The following CSMD1 variants were observed in gnomAD, a reference collection of about 807,000 sequenced individuals.
The protein encoded by CSMD1 is CUB and sushi domain-containing protein 1.
A neutral mutation model predicts 417.5 loss-of-function variants in CSMD1; 213 were observed. The ratio of observed to expected loss-of-function variants is 0.51; its 90% CI spans 0.46 to 0.57. The LOEUF is 0.57. Among genes scored for constraint, CSMD1 ranks in the 20% least tolerant of loss-of-function variants. CSMD1 has a pLI of 0.00. For synonymous variants in CSMD1, 2,862 were observed against 1,736.8 expected, an observed-to-expected ratio of 1.65 and a Z score of -16.11; for missense variants, 6,923 against 4,529.7, an observed-to-expected ratio of 1.53 and a Z score of -15.17.
intron 25 of CSMD1, among the ~76,000 whole-genome samples, chr8:3,305,912 C>CCTGGTGATTTGCCTGCCTTG (rs1395669371): frequency 2.0e-5 from 3 of 152,108 alleles, no homozygotes; most frequent in African/African-American, 7.2e-5. Flanking sequence ...GATCTCCTCA[C>CCTGGTGATTTGCCTGCCTTG]CTGGTGATTT....
At chr8:4,123,172 TA>T (rs1251924418) in intron 3 of CSMD1, among the ~76,000 whole-genome samples, 11 of 152,262 alleles carry the variant, frequency 7.2e-5, no homozygotes, top group African/African-American at 2.7e-4. Context: ...AGATGTTTTT[TA>T]TAACTCGGCT....
intron 3 of CSMD1, among the ~76,000 whole-genome samples, chr8:4,381,768 T>G (rs999123357): frequency 3.9e-5 from 6 of 152,098 alleles, no homozygotes; most frequent in African/African-American, 1.4e-4. Context: ...TTTGTTTTTG[T>G]TTTTTTCCTT....
intron 10 of CSMD1, among the ~76,000 whole-genome samples, chr8:3,573,223 G>A (rs529922475): frequency 2.0e-5 from 3 of 152,100 alleles, no homozygotes; most frequent in African/African-American, 7.2e-5. Context: ...ATTCTCTAAG[G>A]TAAATGCTAT....
Position 3,493,689 on chromosome 8 carries a change from C to T in CSMD1, c.1382G>A (p.Arg461Gln), listed in dbSNP as rs577074857. 165 of 1,612,050 alleles carry T rather than the reference C, an allele frequency of 1.0e-4. No homozygotes were observed. Among genetic ancestry groups the T allele is most frequent in the Non-Finnish European group, 1.1e-4 (135 of 1,179,176 alleles). ...ACCAACCGTCAGGGTGTCATAGCCTCGCTCCAGCTCAAACTCTTCAAAGGC... is the reference window on the plus strand; with the variant it reads ...ACCAACCGTCAGGGTGTCATAGCCTTGCTCCAGCTCAAACTCTTCAAAGGC... Reference protein sequence around the residue: ...KLAFEEFELERGYDTLTVGDA... With the variant: ...KLAFEEFELEQGYDTLTVGDA... The change falls in exon 11 of 70, where the codon CGA becomes CAA. Residue 461 changes from arginine (R) to glutamine (Q), a missense_variant. By Grantham distance (43) the Arg-to-Gln change is conservative (BLOSUM62 1). Transcript: ENST00000635120.
intron 4 of CSMD1, among the ~76,000 whole-genome samples, chr8:4,025,831 C>G (rs547709930): frequency 2.0e-5 from 3 of 152,064 alleles, no homozygotes; most frequent in Non-Finnish European, 4.4e-5. Flanking sequence ...TAATTATTTT[C>G]TATTAATTAA....
At chr8:3,128,661 G>A in intron 41 of CSMD1, 1 of 320,486 alleles carries the variant, frequency 3.1e-6, no homozygotes, top group South Asian at 2.6e-5. Flanking sequence ...CTAATTAAGT[G>A]TCACCTCTGT....
chr8:3,133,495 T>A (rs1255714792), intron 41 of CSMD1, among the ~76,000 whole-genome samples: 2 of 152,064 alleles, frequency 1.3e-5, no homozygotes, highest in Non-Finnish European at 2.9e-5. Context: ...CAGAAGGCAA[T>A]CCTGTTACTG....
At chr8:4,873,688 G>C (rs777632229) in intron 1 of CSMD1, among the ~76,000 whole-genome samples, 1 of 152,042 alleles carries the variant, frequency 6.6e-6, no homozygotes, top group Non-Finnish European at 1.5e-5. Context: ...TGATGATACA[G>C]TAGAGAACTA....
At chr8:3,228,926 G>A (rs1457589620) in intron 27 of CSMD1, among the ~76,000 whole-genome samples, 2 of 152,052 alleles carry the variant, frequency 1.3e-5, no homozygotes, top group African/African-American at 2.4e-5. Context: ...TAAAACGCGT[G>A]ACTGTGCTCA....
intron 1 of CSMD1, among the ~76,000 whole-genome samples, chr8:4,945,444 C>T (rs1330373006): frequency 6.6e-6 from 1 of 151,312 alleles, no homozygotes; most frequent in Non-Finnish European, 1.5e-5. Context: ...AAATACATCC[C>T]AGCATTTTGG....
At chr8:3,438,157 T>G (rs992470037) in intron 12 of CSMD1, among the ~76,000 whole-genome samples, 3 of 152,242 alleles carry the variant, frequency 2.0e-5, no homozygotes, top group Admixed American at 2.0e-4. Flanking sequence ...CCATGGGGTT[T>G]TATTATTTTT....
chr8:3,252,056 T>A (rs146347936), intron 26 of CSMD1, among the ~76,000 whole-genome samples: 29 of 152,262 alleles, frequency 1.9e-4, no homozygotes, highest in Middle Eastern at 3.4e-3. Flanking sequence ...TACCTTTTAT[T>A]TCCTTCTGCC....
chr8:4,150,051 C>T (rs576980390), intron 3 of CSMD1, among the ~76,000 whole-genome samples: 1 of 152,272 alleles, frequency 6.6e-6, no homozygotes, highest in East Asian at 1.9e-4. Context: ...GCACGTGTTG[C>T]TGTGGGTGAA....
intron 5 of CSMD1, among the ~76,000 whole-genome samples, chr8:3,918,873 G>C (rs1012122977): frequency 1.3e-5 from 2 of 152,030 alleles, no homozygotes; most frequent in African/African-American, 2.4e-5. Flanking sequence ...TTGGGGACTT[G>C]TGGGGAAAGA....
At chr8:4,804,271 T>C (rs942512861) in intron 1 of CSMD1, among the ~76,000 whole-genome samples, 1 of 152,310 alleles carries the variant, frequency 6.6e-6, no homozygotes, top group Non-Finnish European at 1.5e-5. Context: ...CCTCTAATTA[T>C]TGAAGCTGGA....
At chr8:3,552,318 C>G (rs1798951836) in intron 10 of CSMD1, among the ~76,000 whole-genome samples, 1 of 151,812 alleles carries the variant, frequency 6.6e-6, no homozygotes, top group Non-Finnish European at 1.5e-5. Context: ...AAAATAAGGT[C>G]AGCTTATTCT....
chr8:3,487,948 G>A (rs1170367177), intron 11 of CSMD1, among the ~76,000 whole-genome samples: 1 of 151,816 alleles, frequency 6.6e-6, no homozygotes, highest in Non-Finnish European at 1.5e-5. Context: ...TCCCATTAGA[G>A]ATGTGTATTT....
intron 3 of CSMD1, among the ~76,000 whole-genome samples, chr8:4,233,080 T>G (rs1227780562): frequency 6.6e-6 from 1 of 152,232 alleles, no homozygotes; most frequent in Non-Finnish European, 1.5e-5. Context: ...CATTGTTCTG[T>G]GCACTGGCAC....
At chr8:4,173,508 A>T (rs1797877320) in intron 3 of CSMD1, among the ~76,000 whole-genome samples, 1 of 152,128 alleles carries the variant, frequency 6.6e-6, no homozygotes, top group Admixed American at 6.5e-5. Flanking sequence ...CTCTCGGTAG[A>T]TGGGGATAAA....
Sources: allele counts gnomAD v4.1 joint callset (sites outside exome capture counted in the v4.1 genomes callset), GRCh38; gene constraint gnomAD v4.1.1; transcripts MANE v1.5; gene names NCBI Gene and HGNC (gene_info 2026-07-23, HGNC 2026-07-21).